Variants in TRIM37 observed in about 807,000 individuals in gnomAD.
The protein encoded by TRIM37 is tripartite motif containing 37, also known as E3 ubiquitin-protein ligase TRIM37.
Under a neutral mutation model 129.8 loss-of-function variants are expected in TRIM37, and 80 were observed. The observed-to-expected ratio is 0.62, with a 90% CI of 0.51 to 0.74. The LOEUF (loss-of-function observed/expected upper bound fraction) is 0.74. Ranked by LOEUF, TRIM37 falls within the 30% of genes least tolerant of loss-of-function variation. TRIM37 has a pLI of 0.00. For synonymous variants in TRIM37, 389 were observed against 387.1 expected (o/e 1.00, Z -0.06); for missense variants, 1,054 against 1,176.5 (o/e 0.90, Z 1.52).
At chr17:58,969,504 C>A in the TRIM37 span, 1 of 1,605,450 alleles carries the variant, frequency 6.2e-7, no homozygotes, top group Admixed American at 1.7e-5. Context: ...ATGCTATACC[C>A]AACTCCCATA....
At chr17:59,069,149 C>A (rs995900792) in intron 9 of TRIM37, among the ~76,000 whole-genome samples, 1 of 152,000 alleles carries the variant, frequency 6.6e-6, no homozygotes, top group Non-Finnish European at 1.5e-5. Flanking sequence ...GAGTTTGAGA[C>A]CAGCCTGGCC....
Position 58,999,296 on chromosome 17 carries a change from G to T in TRIM37, c.*81C>A. 2 of 1,610,038 alleles carry T rather than the reference G, an allele frequency of 1.2e-6. No individual in the cohort carries two copies. Among genetic ancestry groups the T allele is most frequent in the South Asian group, 2.2e-5 (2 of 90,358 alleles). ...GAAATAAGACCAAATCTGATTATCT[G>T]ACTGATGACAAATTTGAGCACCAAC... On this transcript the variant is annotated 3_prime_UTR_variant, in exon 24 of 24. Coordinates refer to ENST00000262294, the MANE Select transcript of TRIM37 (RefSeq NM_015294.6).
intron 14 of TRIM37, among the ~76,000 whole-genome samples, chr17:59,050,510 T>C (rs562361023): frequency 1.3e-5 from 2 of 150,024 alleles, no homozygotes; most frequent in East Asian, 4.0e-4. Context: ...TTGGGCAACA[T>C]GGAGAAACCC....
At chr17:58,980,909 A>G, downstream of TRIM37, 4 of 1,614,152 alleles carry the variant, frequency 2.5e-6, no homozygotes, top group South Asian at 2.2e-5. The surrounding 1 kb of genome is among the most constrained non-coding windows in gnomAD (Gnocchi z 4.7). Flanking sequence ...GAGAAATAGG[A>G]TAAGAAGTTC....
chr17:59,061,739 T>C (rs2041512211), intron 11 of TRIM37, among the ~76,000 whole-genome samples: 1 of 152,156 alleles, frequency 6.6e-6, no homozygotes, highest in Admixed American at 6.5e-5. Context: ...TCACATTTAT[T>C]ATAACTACTT....
chr17:59,025,446 GA>G (rs567465186), intron 19 of TRIM37, among the ~76,000 whole-genome samples: 88 of 151,044 alleles, frequency 5.8e-4, no homozygotes, highest in African/African-American at 1.7e-3. Context: ...AATATTCATG[GA>G]TGAATATTAT....
intron 24 of TRIM37, chr17:58,983,394 T>C (rs1386610139): frequency 6.5e-6 from 1 of 153,554 alleles, no homozygotes; most frequent in African/African-American, 2.4e-5. Flanking sequence ...TGATATATGC[T>C]GCTCTTGGTT....
In TRIM37 at chr17:59,013,300, C is replaced by T. The variant is rs978420109; in HGVS notation, c.2577-854G>A. ...CTGGGATTACAGGTGTCCAGCACCA[C>T]GCCCGGCAATTTTTGTACTTTGTTT... On this transcript the variant is annotated intron_variant, in intron 21 of 23. Transcript: ENST00000262294. 3.3e-5 allele frequency among the ~76,000 whole-genome samples: 5 copies of T among 151,960 alleles called. 1 individual carries two copies. Among genetic ancestry groups the T allele is most frequent in the South Asian group, 4.2e-4 (2 of 4,806 alleles).
chr17:59,029,006 T>C (rs545436908), intron 18 of TRIM37, among the ~76,000 whole-genome samples: 2 of 152,348 alleles, frequency 1.3e-5, no homozygotes, highest in Non-Finnish European at 2.9e-5. Context: ...CTTTCTTCTT[T>C]AAACTTCTCC....
intron 8 of TRIM37, among the ~76,000 whole-genome samples, chr17:59,072,049 A>G (rs1012469288): frequency 5.3e-5 from 8 of 152,158 alleles, no homozygotes; most frequent in African/African-American, 1.9e-4. Flanking sequence ...ATCTTTAAAG[A>G]GGTGATTATG....
chr17:59,048,035 G>C (rs1234559999), intron 15 of TRIM37, among the ~76,000 whole-genome samples: 2 of 152,110 alleles, frequency 1.3e-5, no homozygotes, highest in Non-Finnish European at 2.9e-5. Context: ...CCTTCAGCTG[G>C]GCCCTCAGTG....
downstream of TRIM37, among the ~76,000 whole-genome samples, chr17:58,993,509 C>G (rs1049686065): frequency 6.6e-6 from 1 of 152,216 alleles, no homozygotes; most frequent in South Asian, 2.1e-4. Flanking sequence ...TGAAACTTAA[C>G]TGCACTTTGC....
At chr17:59,051,466 T>G in intron 13 of TRIM37, 138 bp from the exon 14 acceptor site, 3 of 691,834 alleles carry the variant, frequency 4.3e-6, no homozygotes, top group Non-Finnish European at 7.9e-6. Context: ...GTATTTGTTG[T>G]TTATAGATGT....
At chr17:59,106,366 G>A in intron 1 of TRIM37, 75 bp downstream of exon 1, 1 of 1,589,268 alleles carries the variant, frequency 6.3e-7, no homozygotes. Context: ...GGGAGGACAT[G>A]GGCACGACTC....
At chr17:58,977,001 T>A in the TRIM37 span, among the ~76,000 whole-genome samples, 1 of 152,206 alleles carries the variant, frequency 6.6e-6, no homozygotes, top group Admixed American at 6.5e-5. Flanking sequence ...TATTATTTAT[T>A]TTTAAATATC....
chr17:59,041,733 A>T, intron 17 of TRIM37, 80 bp downstream of exon 17: 1 of 1,056,632 alleles, frequency 9.5e-7, no homozygotes, highest in Admixed American at 1.7e-5. Context: ...AGTGGCTACC[A>T]CCTATTTAAA....
intron 23 of TRIM37, among the ~76,000 whole-genome samples, chr17:59,000,775 T>G (rs886574498): frequency 6.6e-6 from 1 of 152,172 alleles, no homozygotes; most frequent in Non-Finnish European, 1.5e-5. Context: ...AAGGTTAAAG[T>G]TATCTTACAG....
intron 19 of TRIM37, among the ~76,000 whole-genome samples, chr17:59,027,326 T>TA (rs2037353693): frequency 1.3e-5 from 2 of 152,214 alleles, no homozygotes; most frequent in South Asian, 4.1e-4. Context: ...GGCCAAAACT[T>TA]AATCATAATT....
chr17:59,080,074 A>T (rs1213876606), intron 6 of TRIM37, among the ~76,000 whole-genome samples, 197 bp from the exon 7 acceptor site: 1 of 152,250 alleles, frequency 6.6e-6, no homozygotes, highest in Non-Finnish European at 1.5e-5. Flanking sequence ...AAAGAATGTT[A>T]TAAATGATCA....
Sources: allele counts gnomAD v4.1 joint callset (sites outside exome capture counted in the v4.1 genomes callset), GRCh38; gene constraint gnomAD v4.1.1; non-coding constraint Gnocchi (gnomAD v3.1); transcripts MANE v1.5; gene names NCBI Gene and HGNC (gene_info 2026-07-23, HGNC 2026-07-21).